Variants in ZFX observed in about 807,000 individuals in gnomAD.
ZFX encodes zinc finger X-chromosomal protein.
For synonymous variants in ZFX, 196 were observed against 226.8 expected, an observed-to-expected ratio of 0.86 and a Z score of 1.22; for missense variants, 362 against 628.3, an observed-to-expected ratio of 0.58 and a Z score of 4.53.
chrX:24,154,679 C>T (rs771498628), intron 3 of ZFX, among the ~76,000 whole-genome samples: 13 of 111,726 alleles, frequency 1.2e-4, no homozygotes, highest in East Asian at 2.8e-4. Flanking sequence ...GAAACACTTA[C>T]GGGAATCCAG....
chrX:24,199,954 G>A (rs1293506849), intron 5 of ZFX, among the ~76,000 whole-genome samples: 1 of 110,628 alleles, frequency 9.0e-6, no homozygotes, highest in East Asian at 2.8e-4. Flanking sequence ...TTTTAAGCAG[G>A]GGAGAAAGAA....
intron 3 of ZFX, among the ~76,000 whole-genome samples, chrX:24,166,403 A>T (rs996447428): frequency 2.7e-5 from 3 of 112,543 alleles, no homozygotes; most frequent in African/African-American, 9.7e-5. Context: ...TCTATTTACA[A>T]CAGCAGATAT....
At chrX:24,192,263 A>G (rs1232902090) in intron 5 of ZFX, among the ~76,000 whole-genome samples, 2 of 111,958 alleles carry the variant, frequency 1.8e-5, no homozygotes, top group African/African-American at 6.5e-5. Flanking sequence ...TCCCAAGATC[A>G]CAGGTGTGAA....
At chrX:24,195,273 A>G (rs751640766) in intron 5 of ZFX, among the ~76,000 whole-genome samples, 1 of 108,957 alleles carries the variant, frequency 9.2e-6, no homozygotes, top group South Asian at 4.0e-4. Flanking sequence ...GGCTCACTGA[A>G]CCTCTGCCTC....
chrX:24,207,339 C>A lies in ZFX; in HGVS notation c.660C>A (p.Gly220=). Residue 220 remains glycine, a synonymous_variant, in exon 6 of 10, where the codon GGC becomes GGA. Coordinates refer to ENST00000304543, the MANE Select transcript of ZFX (RefSeq NM_003410.4). ...CTTCCTTTTTAGTGGATGATGCTGG[C>A]AAAATAGAACACGATGGTTCTTCTG... The part of the protein sequence containing the change: ...DYLMISLDDA[G]KIEHDGSSGM... 2 of 1,204,732 alleles carry A rather than the reference C, an allele frequency of 1.7e-6. No homozygotes were observed. The highest frequency in any genetic ancestry group is 3.6e-5 in the South Asian group (2 of 56,025).
At chrX:24,156,587 T>C (rs1932799158) in intron 3 of ZFX, among the ~76,000 whole-genome samples, 1 of 111,698 alleles carries the variant, frequency 9.0e-6, no homozygotes, top group African/African-American at 3.3e-5. Flanking sequence ...TATCTGTTTT[T>C]AGTTTCTCTC....
intron 3 of ZFX, among the ~76,000 whole-genome samples, chrX:24,158,719 C>T (rs986121654): frequency 7.3e-5 from 8 of 109,805 alleles, no homozygotes; most frequent in African/African-American, 2.7e-4. Context: ...TCACTGCAAC[C>T]TCCGCCTCCT....
At chrX:24,162,674 T>C (rs1297537558) in intron 3 of ZFX, among the ~76,000 whole-genome samples, 2 of 112,373 alleles carry the variant, frequency 1.8e-5, no homozygotes, top group Admixed American at 1.9e-4. Flanking sequence ...AGATTGCATA[T>C]ACTTGAGTAT....
Position 24,179,599 on chromosome X carries a change from G to T in ZFX, c.475G>T (p.Asp159Tyr). The stretch of plus-strand genomic sequence containing the variant: ...TGGACATGTTGAACATGTGGTTCAT[G>T]ATAGTGTAGTGGAAGCAGAAATTGT... ...HVGHVEHVVH[D>Y]SVVEAEIVTD... Residue 159 changes from aspartate (D) to tyrosine (Y), a missense_variant, in exon 5 of 10, where the codon GAT becomes TAT. Transcript: ENST00000304543. 1 of 1,212,136 alleles carries T rather than the reference G, an allele frequency of 8.2e-7. No homozygotes were observed. Among genetic ancestry groups the T allele is most frequent in the Non-Finnish European group, 1.1e-6 (1 of 895,662 alleles).
intron 3 of ZFX, among the ~76,000 whole-genome samples, chrX:24,167,567 A>G (rs1443676067): frequency 1.8e-5 from 2 of 111,653 alleles, no homozygotes; most frequent in Non-Finnish European, 3.8e-5. Flanking sequence ...TTGGGAAGAT[A>G]CCGTGTCCAC....
At chrX:24,152,455 G>A (rs1220888033) in intron 2 of ZFX, among the ~76,000 whole-genome samples, 1 of 111,584 alleles carries the variant, frequency 9.0e-6, no homozygotes, top group Non-Finnish European at 1.9e-5. Context: ...TTTTATGATG[G>A]AAACCTTTAG....
intron 3 of ZFX, among the ~76,000 whole-genome samples, chrX:24,156,928 A>G (rs1458787368): frequency 8.9e-6 from 1 of 111,973 alleles, no homozygotes. Flanking sequence ...TGCTGGGATT[A>G]CAGGCGTGAG....
At chrX:24,168,758 G>T (rs1934271354) in intron 3 of ZFX, among the ~76,000 whole-genome samples, 1 of 102,775 alleles carries the variant, frequency 9.7e-6, no homozygotes, top group Non-Finnish European at 2.0e-5. Context: ...TCAGGATCAT[G>T]ATTCTCGTAA....
intron 3 of ZFX, among the ~76,000 whole-genome samples, chrX:24,153,300 G>T (rs767415457): frequency 1.5e-4 from 17 of 111,478 alleles, no homozygotes; most frequent in Non-Finnish European, 2.6e-4. Flanking sequence ...AAAGAGCCAA[G>T]TCTCCCCTCC....
chrX:24,205,134 G>C (rs1174032717), intron 5 of ZFX, among the ~76,000 whole-genome samples: 1 of 112,128 alleles, frequency 8.9e-6, no homozygotes, highest in Non-Finnish European at 1.9e-5. Flanking sequence ...AAATGAAAAG[G>C]CTTGTTGTTG....
At chrX:24,153,033 G>A (rs1296632673) in intron 3 of ZFX, among the ~76,000 whole-genome samples, 1 of 111,838 alleles carries the variant, frequency 8.9e-6, no homozygotes, top group African/African-American at 3.3e-5. Flanking sequence ...ACATGCTCAC[G>A]AATGTGTTAC....
intron 5 of ZFX, among the ~76,000 whole-genome samples, chrX:24,186,522 C>A (rs7065276): frequency 0.016 from 1,779 of 110,802 alleles, 35 homozygotes; most frequent in African/African-American, 0.055. Context: ...GCTCAGGAGG[C>A]AGAGGCAGGA....
intron 5 of ZFX, among the ~76,000 whole-genome samples, chrX:24,188,207 G>A (rs1239911014): frequency 1.8e-5 from 2 of 109,142 alleles, no homozygotes; most frequent in Non-Finnish European, 3.8e-5. Context: ...TTTTTGGTAC[G>A]CTTGAGGGAG....
At chrX:24,172,413 A>C (rs1434354552) in intron 3 of ZFX, among the ~76,000 whole-genome samples, 1 of 112,105 alleles carries the variant, frequency 8.9e-6, no homozygotes, top group Non-Finnish European at 1.9e-5. Flanking sequence ...ACAAAAGTTT[A>C]TGTATGTATT....
Sources: gnomAD v4.1 joint callset for allele counts (sites outside exome capture counted in the v4.1 genomes callset) on GRCh38, gnomAD v4.1.1 for gene constraint, MANE v1.5 for transcripts, NCBI Gene and HGNC (gene_info 2026-07-23, HGNC 2026-07-21) for gene names.